The following MCM3 variants were observed in gnomAD, a reference collection of about 807,000 sequenced individuals.
The protein encoded by MCM3 is minichromosome maintenance complex component 3.
A neutral mutation model predicts 91.3 loss-of-function variants in MCM3; 59 were observed. The observed-to-expected ratio is 0.65, with a 90% CI of 0.52 to 0.80. The LOEUF (loss-of-function observed/expected upper bound fraction) is 0.80. Ranked by LOEUF, MCM3 falls within the 30% of genes least tolerant of loss-of-function variation. The probability of loss-of-function intolerance (pLI) is 0.00; values close to 1 mark genes in which losing one functional copy is unlikely to be tolerated. For synonymous variants in MCM3, 383 were observed against 379.6 expected, an observed-to-expected ratio of 1.01 and a Z score of -0.10; for missense variants, 919 against 1,035.4, an observed-to-expected ratio of 0.89 and a Z score of 1.54.
intron 4 of MCM3, 37 bp from the exon 5 acceptor site, chr6:52,279,636 G>A (rs370927338): frequency 1.3e-5 from 19 of 1,476,326 alleles, no homozygotes; most frequent in Admixed American, 9.6e-5. Context: ...AGTGATCTCC[G>A]TCCTGTCTTA....
Position 52,282,751 on chromosome 6 carries a change from C to G in MCM3, c.302G>C (p.Gly101Ala), listed in dbSNP as rs764837213. 6.2e-7 allele frequency: 1 copy of G among 1,613,950 alleles called. No homozygotes were observed. The highest frequency in any genetic ancestry group is 1.3e-5 in the African/African-American group (1 of 74,896). ...YAKQYEEFYV[G>A]LEGSFGSKHV... ...CTTGGAGCCAAAGCTGCCTTCCAGT[C>G]CTACGTAGAACTCCTCATACTGCTT... Residue 101 changes from glycine (G) to alanine (A), a missense_variant, in exon 3 of 17, where the codon GGA (glycine) becomes GCA (alanine). By Grantham distance (60) the Gly-to-Ala change is moderately conservative. Around this residue, in one of 3 missense-constraint regions of MCM3, gnomAD observed 401 missense variants for 402.7 expected, o/e 1.00. Transcript: ENST00000596288.
chr6:52,270,856 T>C (rs922126113), intron 12 of MCM3, among the ~76,000 whole-genome samples: 12 of 151,958 alleles, frequency 7.9e-5, no homozygotes, highest in Non-Finnish European at 1.6e-4. Context: ...TGTGGGAAAA[T>C]AGGTTTAAGC....
intron 1 of MCM3, 76 bp from the exon 2 acceptor site, chr6:52,283,482 G>T: frequency 3.0e-6 from 3 of 988,930 alleles, no homozygotes; most frequent in African/African-American, 1.6e-5. Context: ...AGTTCTCATA[G>T]CCAGATAGCT....
intron 9 of MCM3, among the ~76,000 whole-genome samples, chr6:52,274,440 G>A (rs997662179): frequency 3.3e-5 from 5 of 152,184 alleles, no homozygotes; most frequent in African/African-American, 9.7e-5. Context: ...AGCACTTTGG[G>A]AGTCTGAGGC....
intron 2 of MCM3, among the ~76,000 whole-genome samples, 156 bp downstream of exon 2, chr6:52,283,138 G>GA (rs59102970): frequency 0.028 from 3,792 of 136,214 alleles, 128 homozygotes; most frequent in African/African-American, 0.081. Context: ...CCCACTTTTT[G>GA]AAAAAAAAAA....
Position 52,266,084 on chromosome 6 carries a change from C to T in MCM3, c.2219G>A (p.Ser740Asn). ...CAACATCCGTACTCACCTGGATTCA[C>T]TCAACTCCACTTTCTGGGATTCCTT... ...ETKESQKVEL[S>N]ESRLKAFKVA... Residue 740 changes from serine (S) to asparagine (N), a missense_variant, in exon 16 of 17, where the codon AGT (serine) becomes AAT (asparagine). By Grantham distance (46) the Ser-to-Asn change is conservative. Around this residue, in one of 3 missense-constraint regions of MCM3, gnomAD observed 285 missense variants for 311.4 expected, o/e 0.92. Coordinates refer to ENST00000596288, the MANE Select transcript of MCM3 (RefSeq NM_002388.6). 3 of 1,614,022 alleles carry T rather than the reference C, an allele frequency of 1.9e-6. No homozygotes were observed. The highest frequency in any genetic ancestry group is 2.5e-6 in the Non-Finnish European group (3 of 1,179,884).
chr6:52,264,675 G>T lies in MCM3; in HGVS notation c.2340C>A (p.Phe780Leu). 6.2e-7 allele frequency: 1 copy of T among 1,614,200 alleles called. No homozygotes were observed. Among genetic ancestry groups the T allele is most frequent in the Non-Finnish European group, 8.5e-7 (1 of 1,180,046 alleles). Residue 780 changes from phenylalanine (F) to leucine (L), a missense_variant, in exon 17 of 17, where the codon TTC becomes TTA. Phe to Leu is a conservative substitution (Grantham distance 22). This residue lies in a region of MCM3 where 285 missense variants were observed against 311.4 expected (regional missense o/e 0.92). Transcript: ENST00000596288. Reference sequence around the variant, plus strand: ...GAGCAGCCTGGATCTCAACTGAAGAGAAGGGCTCTTCGCTGTCCCGGTTGA... The same window carrying T: ...GAGCAGCCTGGATCTCAACTGAAGATAAGGGCTCTTCGCTGTCCCGGTTGA... The part of the protein sequence containing the change: ...ESINRDSEEP[F>L]SSVEIQAALS...
At chr6:52,265,506 T>C (rs10948692) in intron 16 of MCM3, 6 of 170,278 alleles carry the variant, frequency 3.5e-5, no homozygotes, top group African/African-American at 1.4e-4. Flanking sequence ...CAGTTGATGG[T>C]TGTCCTTGAG....
intron 4 of MCM3, 95 bp downstream of exon 4, chr6:52,281,950 G>T: frequency 7.6e-7 from 1 of 1,321,352 alleles, no homozygotes; most frequent in Non-Finnish European, 1.0e-6. Flanking sequence ...ACCCTTTACA[G>T]AAAAAAGACT....
intron 13 of MCM3, 123 bp downstream of exon 13, chr6:52,268,963 G>C (rs1764866800): frequency 9.5e-7 from 1 of 1,053,946 alleles, no homozygotes; most frequent in Non-Finnish European, 1.4e-6. Context: ...CTGATGACTG[G>C]AAGACAAATA....
Position 52,273,267 on chromosome 6 carries a change from T to C in MCM3, c.1639A>G (p.Lys547Glu). ...GTCCCATGTAGAAGGTTGTCATGCT[T>C]CTCATAAATCTGGGTGTCCTGCTGA... ...EDQQDTQIYE[K>E]HDNLLHGTKK... The change falls in exon 11 of 17, where the codon AAG becomes GAG. Residue 547 changes from lysine (K) to glutamate (E), a missense_variant. Physicochemically the swap from Lys to Glu is moderately conservative, Grantham distance 56. Around this residue, in one of 3 missense-constraint regions of MCM3, gnomAD observed 233 missense variants for 321.2 expected, o/e 0.73. Transcript: ENST00000596288. 6.2e-7 allele frequency: 1 copy of C among 1,614,244 alleles called. No homozygotes were observed. Among genetic ancestry groups the C allele is most frequent in the Non-Finnish European group, 8.5e-7 (1 of 1,180,028 alleles).
At chr6:52,273,947 A>G in intron 9 of MCM3, 31 bp from the exon 10 acceptor site, 1 of 1,556,718 alleles carries the variant, frequency 6.4e-7, no homozygotes, top group Non-Finnish European at 8.8e-7. Flanking sequence ...AGAAGTGGAC[A>G]TGACATCAAT....
intron 5 of MCM3, 70 bp from the exon 6 acceptor site, chr6:52,278,920 C>CT: frequency 2.7e-6 from 3 of 1,108,526 alleles, no homozygotes; most frequent in Non-Finnish European, 4.0e-6. Flanking sequence ...GTACCCCTAG[C>CT]AGGAGTAAGC....
At chr6:52,276,170 A>G in intron 9 of MCM3, 98 bp downstream of exon 9, 3 of 1,123,480 alleles carry the variant, frequency 2.7e-6, no homozygotes, top group Non-Finnish European at 2.6e-6. Context: ...TCTTTGGCCT[A>G]TTATTCCCCT....
chr6:52,273,410 A>G, intron 10 of MCM3, 54 bp from the exon 11 acceptor site: 4 of 1,590,208 alleles, frequency 2.5e-6, no homozygotes, highest in Non-Finnish European at 3.4e-6. Flanking sequence ...AACCCAGGGG[A>G]AATTGCTTCT....
At position 52,279,399 on chromosome 6, in the gene MCM3, A is replaced by T; in HGVS notation, c.732T>A (p.Leu244=). The T allele has an allele frequency of 6.2e-7, 1 of 1,614,148 alleles. No individual in the cohort carries two copies. The highest frequency in any genetic ancestry group is 8.5e-7 in the Non-Finnish European group (1 of 1,180,026). ...RVQVVGTYRC[L]PGKKGGYTSG... is the part of the protein sequence containing the mutation. Reference sequence around the variant, plus strand: ...AGGTGTAGCCTCCCTTCTTTCCAGGAAGGCAACGGTAGGTTCCCACCACCT... The same window carrying T: ...AGGTGTAGCCTCCCTTCTTTCCAGGTAGGCAACGGTAGGTTCCCACCACCT... The change falls in exon 5 of 17, where the codon CTT becomes CTA. Residue 244 remains leucine (L), a synonymous_variant. Transcript: ENST00000596288.
chr6:52,284,265 A>C (rs1414275916), intron 1 of MCM3, among the ~76,000 whole-genome samples: 2 of 152,088 alleles, frequency 1.3e-5, no homozygotes, highest in African/African-American at 2.4e-5. Flanking sequence ...CCCCTCCCCC[A>C]CAGTCTCCTC....
chr6:52,272,702 C>G (rs950650292), intron 11 of MCM3, among the ~76,000 whole-genome samples: 3 of 152,192 alleles, frequency 2.0e-5, no homozygotes, highest in East Asian at 3.8e-4. Context: ...GGTGGGAAAA[C>G]TACAGCTCAG....
chr6:52,283,448 A>G, intron 1 of MCM3, 42 bp from the exon 2 acceptor site: 1 of 1,361,530 alleles, frequency 7.3e-7, no homozygotes, highest in Non-Finnish European at 1.1e-6. Context: ...CACAAATTTA[A>G]AAACAATGTT....
Sources: allele counts gnomAD v4.1 joint callset (sites outside exome capture counted in the v4.1 genomes callset), GRCh38; gene constraint gnomAD v4.1.1; regional missense constraint gnomAD v4.1.1; transcripts MANE v1.5; gene names NCBI Gene and HGNC (gene_info 2026-07-23, HGNC 2026-07-21).